The following TBC1D9B variants were observed in gnomAD, a reference collection of about 807,000 sequenced individuals.
The protein encoded by TBC1D9B is TBC1 domain family, member 9B (with GRAM domain).
TBC1D9B carries 87 observed loss-of-function variants against 121.1 expected under a neutral mutation model. The ratio of observed to expected loss-of-function variants is 0.72; its 90% CI spans 0.60 to 0.86. The LOEUF (loss-of-function observed/expected upper bound fraction) is 0.86. Ranked by LOEUF, TBC1D9B falls within the 40% of genes least tolerant of loss-of-function variation. TBC1D9B has a pLI of 0.00. For missense variants in TBC1D9B, 1,540 were observed against 1,628.6 expected, an observed-to-expected ratio of 0.95 and a Z score of 0.94; for synonymous variants, 668 against 670.1, an observed-to-expected ratio of 1.00 and a Z score of 0.05.
chr5:179,899,799 AGCGAGGCTCCTGCTGGGCAG>A (rs745352062), intron 2 of TBC1D9B, among the ~76,000 whole-genome samples: 8 of 152,206 alleles, frequency 5.3e-5, no homozygotes, highest in Non-Finnish European at 8.8e-5. Flanking sequence ...GCCCCTGGCC[AGCGAGGCTCCTGCTGGGCAG>A]GCGAGTAGCT....
At chr5:179,876,103 C>T (rs998715665) in intron 10 of TBC1D9B, 66 bp from the exon 11 acceptor site, 18 of 1,318,784 alleles carry the variant, frequency 1.4e-5, no homozygotes, top group Non-Finnish European at 1.9e-5. Context: ...CTGTCTCTCC[C>T]CACCCCTCCC....
rs762208624 is a variant in TBC1D9B at position 179,873,205 on chromosome 5, TAGG to T, written c.2227_2229del (p.Pro743del). On this transcript the variant is annotated inframe_deletion, in exon 13 of 21. Transcript: ENST00000355235. The stretch of plus-strand genomic sequence containing the variant: ...CTCAGCAAGGCACGGAGGTGCGGGA[TAGG>T]AGGAGAGACACTCTGCTTGTTGACC... The T allele has an allele frequency of 1.9e-6, 3 of 1,613,142 alleles. No individual in the cohort carries two copies. Among genetic ancestry groups the T allele is most frequent in the South Asian group, 2.2e-5 (2 of 90,944 alleles).
chr5:179,869,140 G>T (rs1389922011), intron 17 of TBC1D9B: 1 of 171,614 alleles, frequency 5.8e-6, no homozygotes. Flanking sequence ...AGATGGCAAA[G>T]CGACAGCAGG....
In TBC1D9B at chr5:179,863,667, G is replaced by A. The variant is rs199501173; in HGVS notation, c.3483C>T (p.Gly1161=). Residue 1161 remains glycine (G), a synonymous_variant, in exon 21 of 21, where the codon GGC becomes GGT. Transcript: ENST00000355235. This position sits in a 1 kb window ranked among gnomAD's most constrained non-coding sequence, Gnocchi z 4.5. The part of the protein sequence containing the change: ...EDLADDTVLV[G]GEACSPTARI... The stretch of plus-strand genomic sequence containing the variant: ...GCGCTGTGGGGCTGCAGGCCTCCCC[G>A]CCCACCAGCACCGTGTCGTCTGCAA... 17 of 1,613,506 alleles carry A rather than the reference G, an allele frequency of 1.1e-5. No homozygotes were observed. The highest frequency in any genetic ancestry group is 2.2e-5 in the South Asian group (2 of 91,092).
chr5:179,882,129 G>C (rs1760561117), intron 7 of TBC1D9B, among the ~76,000 whole-genome samples: 1 of 151,972 alleles, frequency 6.6e-6, no homozygotes, highest in Non-Finnish European at 1.5e-5. Context: ...ATTTTTAATA[G>C]AGACGAGGTT....
In TBC1D9B at chr5:179,883,438, A is replaced by G. The variant is rs540554022; in HGVS notation, c.1255-3649T>C. Among the ~76,000 whole-genome samples the G allele has an allele frequency of 3.3e-5, 5 of 152,128 alleles. No individual in the cohort carries two copies. The East Asian group carries it at 9.6e-4, about 29-fold the overall frequency. On this transcript the variant is annotated intron_variant, in intron 7 of 20. Transcript: ENST00000355235. ...GGACAACTTCTTCTCTATTTGTTTG[A>G]GTCTCCTCTGACTCCATTTTTCTCC...
intron 18 of TBC1D9B, chr5:179,867,326 T>G: frequency 8.6e-7 from 1 of 1,166,980 alleles, no homozygotes; most frequent in Non-Finnish European, 1.2e-6. Flanking sequence ...TCTCAGAACT[T>G]ATGCCCCAGA....
In TBC1D9B at chr5:179,902,830, T is replaced by C. The variant is rs1761199231; in HGVS notation, c.229+1872A>G. ...AACTCTTGCTGCCCCCAGGGTCCAC[T>C]CAGGCTCTGAAGCCAGAGATCGGGG... On this transcript the variant is annotated intron_variant, in intron 2 of 20. Coordinates refer to ENST00000355235, the MANE Select transcript of TBC1D9B (RefSeq NM_015043.4). This position sits in a 1 kb window ranked among gnomAD's most constrained non-coding sequence, Gnocchi z 4.9. Among the ~76,000 whole-genome samples, 1 of 152,240 alleles carries C rather than the reference T, an allele frequency of 6.6e-6. No individual in the cohort carries two copies.
At chr5:179,870,815 G>A (rs561054408) in intron 15 of TBC1D9B, 130 of 359,902 alleles carry the variant, frequency 3.6e-4, no homozygotes, top group Non-Finnish European at 6.1e-4. Context: ...GCTTGCTCTC[G>A]CTCCTATGAC....
chr5:179,867,989 C>A lies in TBC1D9B; in HGVS notation c.2792-140G>T, dbSNP rs1760072529. On this transcript the variant is annotated intron_variant, in intron 17 of 20. Coordinates refer to ENST00000355235, the MANE Select transcript of TBC1D9B (RefSeq NM_015043.4). ...GTCCCAGCACCTGCCCATGACAGTG[C>A]CCGGTAATAGTTTTGATGGTGATGA... 3.8e-5 allele frequency: 24 copies of A among 625,360 alleles called. No individual in the cohort carries two copies. The South Asian group carries it at 9.8e-4, about 26-fold the overall frequency. 38.7% of individuals were successfully genotyped at this position (625,360 alleles called of 1,614,324 possible). A position where few individuals can be genotyped will look rare whatever the true frequency, so the allele number is the denominator to read the frequency against.
In TBC1D9B at chr5:179,871,692, C is replaced by T. The variant is rs959024162; in HGVS notation, c.2416-162G>A. The T allele has an allele frequency of 9.2e-6, 6 of 655,324 alleles. No individual in the cohort carries two copies. In the South Asian group the frequency reaches 1.1e-4, roughly 12 times the overall value. 40.6% of individuals were successfully genotyped at this position (655,324 alleles called of 1,614,324 possible). ...GGACCCTTCGGGAGAGAGCGAGGCC[C>T]ACAGCCCATCCCTGGCCCCCCACCT... is the stretch of plus-strand genomic sequence containing the variant. On this transcript the variant is annotated intron_variant, in intron 14 of 20. Transcript: ENST00000355235.
intron 4 of TBC1D9B, among the ~76,000 whole-genome samples, chr5:179,893,747 C>T (rs991202221): frequency 7.9e-5 from 12 of 152,216 alleles, no homozygotes; most frequent in Admixed American, 1.3e-4. Context: ...CCGAGACCCA[C>T]CCAGCAGCTC....
intron 12 of TBC1D9B, 46 bp from the exon 13 acceptor site, chr5:179,873,294 G>A (rs780065189): frequency 8.6e-6 from 13 of 1,518,060 alleles, no homozygotes; most frequent in South Asian, 1.3e-5. Flanking sequence ...CCAGGCAGAG[G>A]GAGCCTCCTT....
intron 20 of TBC1D9B, 22 bp from the exon 21 acceptor site, chr5:179,864,150 G>C: frequency 3.2e-6 from 5 of 1,573,534 alleles, no homozygotes. Flanking sequence ...AAAAACAGAA[G>C]AACAGGGAGA....
At chr5:179,882,254 TC>T (rs1464667682) in intron 7 of TBC1D9B, among the ~76,000 whole-genome samples, 2 of 152,160 alleles carry the variant, frequency 1.3e-5, no homozygotes. Flanking sequence ...CTCATATACC[TC>T]CCTAACCTCA....
Position 179,873,264 on chromosome 5 carries a change from G to A in TBC1D9B, c.2187-16C>T, listed in dbSNP as rs986450728. The A allele has an allele frequency of 4.4e-6, 7 of 1,589,162 alleles. No individual in the cohort carries two copies. Among genetic ancestry groups the A allele is most frequent in the African/African-American group, 2.7e-5 (2 of 74,504 alleles). On this transcript the variant is annotated splice_polypyrimidine_tract_variant and intron_variant, in intron 12 of 20. Transcript: ENST00000355235. ...ATCCAGGTATCTGCAAAGGACAGAG[G>A]ACAACAGTCCAGACCACGCCCAGGC...
At chr5:179,887,048 C>A (rs1272137050) in intron 7 of TBC1D9B, among the ~76,000 whole-genome samples, 1 of 152,218 alleles carries the variant, frequency 6.6e-6, no homozygotes, top group East Asian at 1.9e-4. Context: ...GTGGAAGACA[C>A]TAGAAAACCA....
Position 179,865,768 on chromosome 5 carries a change from G to GA in TBC1D9B, c.2914+69dup, listed in dbSNP as rs556635329. On this transcript the variant is annotated intron_variant, in intron 19 of 20. Coordinates refer to ENST00000355235, the MANE Select transcript of TBC1D9B (RefSeq NM_015043.4). The surrounding 1 kb of genome is among the most constrained non-coding windows in gnomAD (Gnocchi z 5.1). Reference sequence around the variant, plus strand: ...AGGGGGCTCCCTGGCAGTGACTGGGGAAAAGACCAGCAAGCAAGGGTGCCT... The same window carrying GA: ...AGGGGGCTCCCTGGCAGTGACTGGGGAAAAAGACCAGCAAGCAAGGGTGCCT... The GA allele has an allele frequency of 2.0e-4, 309 of 1,510,004 alleles. 2 individuals are homozygous for GA. In the East Asian group the frequency reaches 6.9e-3, roughly 34 times the overall value. 93.5% of individuals were successfully genotyped at this position (1,510,004 alleles called of 1,614,324 possible).
intron 8 of TBC1D9B, 116 bp from the exon 9 acceptor site, chr5:179,879,313 C>T (rs1200218361): frequency 6.9e-7 from 1 of 1,442,294 alleles, no homozygotes; most frequent in African/African-American, 1.4e-5. Context: ...CAAGTGTGGC[C>T]TTCCTCGCAA....
Sources: gnomAD v4.1 joint callset for allele counts (sites outside exome capture counted in the v4.1 genomes callset) on GRCh38, gnomAD v4.1.1 for gene constraint, Gnocchi (gnomAD v3.1) non-coding constraint, MANE v1.5 for transcripts, NCBI Gene and HGNC (gene_info 2026-07-23, HGNC 2026-07-21) for gene names.